Variants in SCRG1 observed in about 807,000 individuals in gnomAD.
The protein encoded by SCRG1 is scrapie-responsive protein 1.
SCRG1 carries 3 observed loss-of-function variants against 7.7 expected under a neutral mutation model. That is an observed-to-expected ratio of 0.39 (90% CI 0.18 to 1.01). The LOEUF is 1.01. Ranked by LOEUF, SCRG1 falls within the 50% of genes least tolerant of loss-of-function variation. SCRG1 has a pLI of 0.36. For missense variants in SCRG1, 110 were observed against 117.2 expected (o/e 0.94, Z 0.28); for synonymous variants, 46 against 41.2 (o/e 1.12, Z -0.44).
the SCRG1 span, among the ~76,000 whole-genome samples, chr4:173,458,247 A>T: frequency 6.6e-6 from 1 of 152,212 alleles, no homozygotes; most frequent in Admixed American, 6.5e-5. Context: ...AGAGCATAAA[A>T]ATTAGCCCAG....
chr4:173,463,188 G>T, the SCRG1 span, among the ~76,000 whole-genome samples: 1 of 152,180 alleles, frequency 6.6e-6, no homozygotes, highest in Non-Finnish European at 1.5e-5. Context: ...TGCCTTGGGT[G>T]TAGGAATAAG....
At chr4:173,479,435 G>GTTTTTTTTTTTTTTTT in the SCRG1 span, among the ~76,000 whole-genome samples, 5 of 125,924 alleles carry the variant, frequency 4.0e-5, no homozygotes, top group Non-Finnish European at 6.8e-5. Context: ...TTGTTTGTTT[G>GTTTTTTTTTTTTTTTT]TTTTTTTGTT....
the SCRG1 span, among the ~76,000 whole-genome samples, chr4:173,461,755 C>T: frequency 6.6e-5 from 10 of 151,998 alleles, no homozygotes; most frequent in South Asian, 2.1e-4. Flanking sequence ...AACAGAGATA[C>T]GTGACCTTTC....
intron 1 of SCRG1, among the ~76,000 whole-genome samples, chr4:173,396,108 A>G (rs1238905588): frequency 6.6e-6 from 1 of 152,196 alleles, no homozygotes; most frequent in Non-Finnish European, 1.5e-5. Flanking sequence ...GGAAAGAATC[A>G]AGGATGACTC....
the SCRG1 span, among the ~76,000 whole-genome samples, chr4:173,454,866 G>A: frequency 7.2e-5 from 11 of 152,210 alleles, no homozygotes; most frequent in Admixed American, 2.0e-4. Context: ...TCAAGAAGAC[G>A]TAGGGTACTA....
the SCRG1 span, among the ~76,000 whole-genome samples, chr4:173,476,739 T>C: frequency 6.6e-6 from 1 of 152,116 alleles, no homozygotes; most frequent in Non-Finnish European, 1.5e-5. Flanking sequence ...GAGGATCACT[T>C]GAGCCAATGA....
chr4:173,457,146 C>T, the SCRG1 span, among the ~76,000 whole-genome samples: 1 of 152,186 alleles, frequency 6.6e-6, no homozygotes, highest in African/African-American at 2.4e-5. Flanking sequence ...CCTTCATGAC[C>T]CATGGCGCTT....
At chr4:173,499,806 T>A in the SCRG1 span, among the ~76,000 whole-genome samples, 4 of 151,896 alleles carry the variant, frequency 2.6e-5, no homozygotes, top group Non-Finnish European at 5.9e-5. The surrounding 1 kb of genome is among the most constrained non-coding windows in gnomAD (Gnocchi z 4.1). Context: ...GAAAAAAAAG[T>A]GGGGGGCAGG....
At chr4:173,466,659 G>C in the SCRG1 span, among the ~76,000 whole-genome samples, 6 of 152,140 alleles carry the variant, frequency 3.9e-5, no homozygotes, top group African/African-American at 1.4e-4. Context: ...GCTTAACTCA[G>C]TCTTTTTTCT....
At chr4:173,403,512 A>G (rs558319252), upstream of SCRG1, among the ~76,000 whole-genome samples, 1 of 152,246 alleles carries the variant, frequency 6.6e-6, no homozygotes, top group East Asian at 1.9e-4. Context: ...AACAGAATTG[A>G]TACATAGAGA....
At chr4:173,479,435 G>GTTTTTTTTTTTTTTTTTTTTTTTTTTT in the SCRG1 span, among the ~76,000 whole-genome samples, 6 of 125,928 alleles carry the variant, frequency 4.8e-5, no homozygotes, top group Admixed American at 8.2e-5. Flanking sequence ...TTGTTTGTTT[G>GTTTTTTTTTTTTTTTTTTTTTTTTTTT]TTTTTTTGTT....
chr4:173,430,422 T>C, the SCRG1 span, among the ~76,000 whole-genome samples: 2 of 152,106 alleles, frequency 1.3e-5, no homozygotes, highest in East Asian at 3.9e-4. Context: ...GGAAGACCTA[T>C]TTTCAACCTA....
chr4:173,390,974 C>A (rs1044835567), intron 2 of SCRG1, among the ~76,000 whole-genome samples, 199 bp downstream of exon 2: 1 of 152,156 alleles, frequency 6.6e-6, no homozygotes, highest in Non-Finnish European at 1.5e-5. Flanking sequence ...TTAAACTCAG[C>A]TAAATTCCAT....
chr4:173,510,048 T>C, the SCRG1 span, among the ~76,000 whole-genome samples: 1 of 152,200 alleles, frequency 6.6e-6, no homozygotes, highest in Non-Finnish European at 1.5e-5. The surrounding 1 kb of genome is among the most constrained non-coding windows in gnomAD (Gnocchi z 5.7). Context: ...GAATTACAAA[T>C]AGGATTGATT....
At chr4:173,496,723 A>C in the SCRG1 span, among the ~76,000 whole-genome samples, 1 of 152,246 alleles carries the variant, frequency 6.6e-6, no homozygotes, top group Admixed American at 6.5e-5. Context: ...TCCTCACAAC[A>C]ACCTCACAAG....
the SCRG1 span, among the ~76,000 whole-genome samples, chr4:173,479,534 G>C: frequency 6.9e-3 from 1,030 of 148,690 alleles, 3 homozygotes; most frequent in Middle Eastern, 0.017. Flanking sequence ...TCTGCCTCCT[G>C]GGTTCAAGCG....
At chr4:173,494,355 C>T in the SCRG1 span, among the ~76,000 whole-genome samples, 1 of 152,226 alleles carries the variant, frequency 6.6e-6, no homozygotes, top group Non-Finnish European at 1.5e-5. Context: ...TCCCCAAGCT[C>T]CATGTGGCAC....
the SCRG1 span, among the ~76,000 whole-genome samples, chr4:173,497,997 T>C: frequency 6.6e-6 from 1 of 152,184 alleles, no homozygotes; most frequent in Non-Finnish European, 1.5e-5. Flanking sequence ...CTCTTAATGG[T>C]GAGTAATTCC....
chr4:173,491,857 C>T, the SCRG1 span, among the ~76,000 whole-genome samples: 2 of 152,122 alleles, frequency 1.3e-5, no homozygotes, highest in Non-Finnish European at 1.5e-5. Context: ...AGGCTGGGTG[C>T]GGTGGCTCAT....
Sources: gnomAD v4.1 joint callset for allele counts (sites outside exome capture counted in the v4.1 genomes callset) on GRCh38, gnomAD v4.1.1 for gene constraint, Gnocchi (gnomAD v3.1) non-coding constraint, MANE v1.5 for transcripts, NCBI Gene and HGNC (gene_info 2026-07-23, HGNC 2026-07-21) for gene names.